The following LETMD1 variants were observed in gnomAD, a reference collection of about 807,000 sequenced individuals.
The protein encoded by LETMD1 is LETM1 domain-containing protein 1.
In LETMD1, 30 loss-of-function variants were observed where a neutral mutation model predicts 43.9. That is an observed-to-expected ratio of 0.68 (90% CI 0.51 to 0.93). The LOEUF is 0.93. Ranked by LOEUF, LETMD1 falls within the 40% of genes least tolerant of loss-of-function variation. The pLI, the probability that LETMD1 is intolerant of heterozygous loss-of-function variation, is 0.00. For synonymous variants in LETMD1, 176 were observed against 163.1 expected (o/e 1.08, Z -0.60); for missense variants, 413 against 447.7 (o/e 0.92, Z 0.70).
intron 3 of LETMD1, among the ~76,000 whole-genome samples, chr12:51,052,706 G>A (rs754596500): frequency 1.3e-4 from 20 of 151,904 alleles, no homozygotes; most frequent in Non-Finnish European, 2.4e-4. Context: ...GTTTGAACCC[G>A]GGAGGCAGAG....
the LETMD1 span, among the ~76,000 whole-genome samples, chr12:51,068,209 G>C: frequency 6.6e-6 from 1 of 152,226 alleles, no homozygotes; most frequent in African/African-American, 2.4e-5. Context: ...CCAGGCGGGA[G>C]TGCAGTGGTG....
chr12:51,056,488 C>G lies in LETMD1; in HGVS notation c.901C>G (p.Gln301Glu), dbSNP rs780501986. 3.7e-6 allele frequency: 6 copies of G among 1,614,140 alleles called. No homozygotes were observed. In the South Asian group the frequency reaches 6.6e-5, roughly 18 times the overall value. Residue 301 changes from glutamine to glutamate, a missense_variant, in exon 7 of 9, where the codon CAG becomes GAG. Physicochemically the swap from Gln to Glu is conservative, Grantham distance 29. Coordinates refer to ENST00000262055, the MANE Select transcript of LETMD1 (RefSeq NM_015416.5). The stretch of plus-strand genomic sequence containing the variant: ...GCTGGGGATTGGCCAGCTGACTGCT[C>G]AGGAAGTAAAATCGGTAAGAGCTTG... Reference protein sequence around the residue: ...AKLGIGQLTAQEVKSACYLRG... With the variant: ...AKLGIGQLTAEEVKSACYLRG...
chr12:51,053,976 C>G (rs895920859), intron 4 of LETMD1, 116 bp downstream of exon 4: 4 of 726,134 alleles, frequency 5.5e-6, no homozygotes, highest in Middle Eastern at 2.5e-4. Context: ...CAAACTTCTG[C>G]TCCAATCTTC....
intron 7 of LETMD1, chr12:51,057,830 T>C (rs1031206858): frequency 1.2e-5 from 7 of 591,202 alleles, no homozygotes; most frequent in African/African-American, 9.3e-5. Context: ...TTTCACCATA[T>C]TGGCCAGGCT....
At chr12:51,067,804 G>A in the LETMD1 span, 1 of 1,614,224 alleles carries the variant, frequency 6.2e-7, no homozygotes, top group East Asian at 2.2e-5. The surrounding 1 kb of genome is among the most constrained non-coding windows in gnomAD (Gnocchi z 4.1). Context: ...TCAATACGGT[G>A]GACCCCAGAA....
In LETMD1 at chr12:51,059,797, G is replaced by T. The variant is rs1472682071; in HGVS notation, c.*366G>T. 2 of 213,516 alleles carry T rather than the reference G, an allele frequency of 9.4e-6. No homozygotes were observed. Among genetic ancestry groups the T allele is most frequent in the African/African-American group, 2.3e-5 (1 of 44,122 alleles). The allele number at this position is 213,516 out of a possible 1,614,324, so 13.2% of individuals were successfully genotyped here. ...GGGAATCCTTATTTGGCTTAGGACT[G>T]ATCCACTTCCATGTTACTTACATCT... On this transcript the variant is annotated 3_prime_UTR_variant, in exon 9 of 9. Coordinates refer to ENST00000262055, the MANE Select transcript of LETMD1 (RefSeq NM_015416.5).
chr12:51,049,286 G>A, intron 2 of LETMD1, 101 bp downstream of exon 2: 1 of 1,012,298 alleles, frequency 9.9e-7, no homozygotes, highest in East Asian at 2.5e-5. Context: ...ATGGGGATGT[G>A]AGCCGAGATA....
intron 3 of LETMD1, among the ~76,000 whole-genome samples, chr12:51,052,632 T>A (rs932087754): frequency 6.6e-6 from 1 of 151,534 alleles, no homozygotes; most frequent in Non-Finnish European, 1.5e-5. Context: ...AATACAAAAA[T>A]TAGCTGAGTG....
downstream of LETMD1, chr12:51,064,433 C>A (rs768779926): frequency 1.4e-5 from 22 of 1,611,732 alleles, no homozygotes; most frequent in Admixed American, 3.2e-4. Context: ...CAGCAATGAA[C>A]TCCTGGAAGT....
Position 51,055,809 on chromosome 12 carries a change from G to A in LETMD1, c.474-26G>A, listed in dbSNP as rs1405086714. On this transcript the variant is annotated intron_variant, in intron 4 of 8. Coordinates refer to ENST00000262055, the MANE Select transcript of LETMD1 (RefSeq NM_015416.5). ...CTGAAAGAAGCCAGTTTCAGCAAGTGAGTTTGTGATTCTTTCTCCTTTCAG... is the reference window on the plus strand; with the variant it reads ...CTGAAAGAAGCCAGTTTCAGCAAGTAAGTTTGTGATTCTTTCTCCTTTCAG... The A allele has an allele frequency of 3.2e-6, 5 of 1,549,114 alleles. No homozygotes were observed. In the East Asian group the frequency reaches 6.8e-5, roughly 21 times the overall value.
In LETMD1 at chr12:51,059,835, T is replaced by C; in HGVS notation, c.*404T>C. The C allele has an allele frequency of 5.8e-6, 1 of 170,952 alleles. No individual in the cohort carries two copies. Among genetic ancestry groups the C allele is most frequent in the East Asian group, 1.6e-4 (1 of 6,276 alleles). 10.6% of individuals were successfully genotyped at this position (170,952 alleles called of 1,614,324 possible). On this transcript the variant is annotated 3_prime_UTR_variant, in exon 9 of 9. Transcript: ENST00000262055. ...GTTACTTACATCTGTGGGTTTTTGT[T>C]GTTGCTGTTAGAAAATTTGTGGCTG...
At chr12:51,053,361 G>A (rs1451339213) in intron 3 of LETMD1, among the ~76,000 whole-genome samples, 1 of 152,116 alleles carries the variant, frequency 6.6e-6, no homozygotes, top group African/African-American at 2.4e-5. Context: ...ATAAACTTGG[G>A]GACCACATGC....
chr12:51,058,090 G>C lies in LETMD1; in HGVS notation c.974G>C (p.Trp325Ser). The C allele has an allele frequency of 6.2e-7, 1 of 1,613,824 alleles. No homozygotes were observed. Residue 325 changes from tryptophan to serine, a missense_variant, in exon 8 of 9, where the codon TGG (tryptophan) becomes TCG (serine). Physicochemically the swap from Trp to Ser is radical, Grantham distance 177. Coordinates refer to ENST00000262055, the MANE Select transcript of LETMD1 (RefSeq NM_015416.5). ...THIGEDRCRTWLGEWLQISCS... is the reference protein window; with the variant it reads ...THIGEDRCRTSLGEWLQISCS... ...ATTGGTGAAGATAGGTGTCGAACTT[G>C]GCTGGGAGAATGGCTGCAGATTTCC...
chr12:51,056,050 A>C (rs766015181), intron 5 of LETMD1, 29 bp downstream of exon 5: 2 of 1,610,264 alleles, frequency 1.2e-6, no homozygotes, highest in Non-Finnish European at 1.7e-6. Flanking sequence ...CTTCCTACAA[A>C]TGTGGAATCT....
At chr12:51,060,602 C>T (rs1309944779), downstream of LETMD1, among the ~76,000 whole-genome samples, 1 of 152,124 alleles carries the variant, frequency 6.6e-6, no homozygotes, top group Non-Finnish European at 1.5e-5. Context: ...AAGAGAATTT[C>T]ATAAAGTTAA....
intron 1 of LETMD1, 131 bp from the exon 2 acceptor site, chr12:51,048,903 C>A: frequency 1.1e-6 from 1 of 874,676 alleles, no homozygotes; most frequent in Non-Finnish European, 1.8e-6. Flanking sequence ...GACCCCAAGA[C>A]CTTCCTTGGA....
At chr12:51,048,626 C>A in intron 1 of LETMD1, 148 bp downstream of exon 1, 1 of 995,054 alleles carries the variant, frequency 1.0e-6, no homozygotes, top group Non-Finnish European at 1.5e-6. Context: ...AACTCCGATC[C>A]CCACTAGTGA....
intron 2 of LETMD1, 126 bp from the exon 3 acceptor site, chr12:51,051,966 T>G (rs1051122208): frequency 1.9e-5 from 15 of 777,146 alleles, no homozygotes; most frequent in Non-Finnish European, 2.8e-5. Flanking sequence ...TTACCTAGTT[T>G]AAAGCTTTGA....
At chr12:51,059,222 A>G (rs999531043) in intron 8 of LETMD1, 139 bp from the exon 9 acceptor site, 1 of 672,912 alleles carries the variant, frequency 1.5e-6, no homozygotes, top group Middle Eastern at 3.1e-4. Context: ...TGAAACAAAG[A>G]AGGGGAACTT....
Sources: allele counts gnomAD v4.1 joint callset (sites outside exome capture counted in the v4.1 genomes callset), GRCh38; gene constraint gnomAD v4.1.1; non-coding constraint Gnocchi (gnomAD v3.1); transcripts MANE v1.5; gene names NCBI Gene and HGNC (gene_info 2026-07-23, HGNC 2026-07-21).